The following NOX3 variants were observed in gnomAD, a reference collection of about 807,000 sequenced individuals.
NOX3 encodes NADPH oxidase catalytic subunit-like 3.
A neutral mutation model predicts 76.7 loss-of-function variants in NOX3; 74 were observed. That is an observed-to-expected ratio of 0.96 (90% confidence interval 0.80 to 1.17). The LOEUF (loss-of-function observed/expected upper bound fraction) is 1.17. NOX3 is among the 50% of genes most tolerant of loss of function. NOX3 has a pLI of 0.00. For synonymous variants in NOX3, 263 were observed against 261.1 expected (o/e 1.01, Z -0.07); for missense variants, 695 against 703.3 (o/e 0.99, Z 0.13).
chr6:155,432,470 C>T (rs1001595453), intron 7 of NOX3, among the ~76,000 whole-genome samples: 3 of 152,092 alleles, frequency 2.0e-5, no homozygotes, highest in Non-Finnish European at 2.9e-5. Flanking sequence ...CACCCCTCCC[C>T]GATTGACTCA....
At chr6:155,410,318 T>TGTGTGC (rs1268997763) in intron 11 of NOX3, among the ~76,000 whole-genome samples, 1 of 151,402 alleles carries the variant, frequency 6.6e-6, no homozygotes, top group African/African-American at 2.4e-5. Flanking sequence ...TGTGTGTGTG[T>TGTGTGC]GCGCACGCAT....
intron 5 of NOX3, among the ~76,000 whole-genome samples, chr6:155,442,076 A>G (rs1424085677): frequency 6.6e-6 from 1 of 152,170 alleles, no homozygotes; most frequent in African/African-American, 2.4e-5. Flanking sequence ...CATCCTGGCT[A>G]ACACAGTGAA....
chr6:155,448,839 C>T (rs73567363), intron 4 of NOX3, among the ~76,000 whole-genome samples: 4,798 of 152,142 alleles, frequency 0.032, 254 homozygotes, highest in African/African-American at 0.11. Context: ...GAGTTAGTCA[C>T]CTCCTAATTA....
chr6:155,422,555 A>G (rs1776703111), intron 10 of NOX3, 139 bp downstream of exon 10: 1 of 745,006 alleles, frequency 1.3e-6, no homozygotes, highest in African/African-American at 1.8e-5. Context: ...GAGATTTTTA[A>G]GAACATAAGT....
At chr6:155,452,687 A>G (rs1323953868) in intron 4 of NOX3, among the ~76,000 whole-genome samples, 1 of 151,766 alleles carries the variant, frequency 6.6e-6, no homozygotes, top group African/African-American at 2.4e-5. Flanking sequence ...AAAACATTTT[A>G]TAGTTAAATT....
chr6:155,410,722 C>A (rs1776532441), intron 11 of NOX3, among the ~76,000 whole-genome samples: 1 of 152,142 alleles, frequency 6.6e-6, no homozygotes, highest in Non-Finnish European at 1.5e-5. Flanking sequence ...CTTAAGAGAA[C>A]AAACTCTGGA....
chr6:155,436,794 G>A (rs1307854939), intron 6 of NOX3, among the ~76,000 whole-genome samples: 1 of 152,184 alleles, frequency 6.6e-6, no homozygotes, highest in Non-Finnish European at 1.5e-5. Context: ...TAAATTGAAA[G>A]TGTCTATATT....
chr6:155,426,852 G>C (rs994011817), intron 9 of NOX3, among the ~76,000 whole-genome samples: 1 of 152,148 alleles, frequency 6.6e-6, no homozygotes, highest in Admixed American at 6.5e-5. Context: ...GTTTGTGAAG[G>C]GGAAGGGTGG....
At chr6:155,416,189 G>T (rs1009310634) in intron 10 of NOX3, among the ~76,000 whole-genome samples, 20 of 152,214 alleles carry the variant, frequency 1.3e-4, no homozygotes, top group Admixed American at 1.2e-3. Flanking sequence ...CTGCTGGGCA[G>T]CACGCCTCTG....
intron 3 of NOX3, 77 bp from the exon 4 acceptor site, chr6:155,453,565 G>A: frequency 8.6e-7 from 1 of 1,167,484 alleles, no homozygotes; most frequent in Non-Finnish European, 1.3e-6. Context: ...AAGAGAGTAG[G>A]AATCAGGCTC....
chr6:155,437,968 A>G lies in NOX3; in HGVS notation c.669-1421T>C, dbSNP rs190054134. 4.8e-3 allele frequency among the ~76,000 whole-genome samples: 728 copies of G among 152,362 alleles called. 3 individuals carry two copies. Among genetic ancestry groups the G allele is most frequent in the Middle Eastern group, 0.01 (3 of 294 alleles). On this transcript the variant is annotated intron_variant, in intron 6 of 13. Transcript: ENST00000159060. The stretch of plus-strand genomic sequence containing the variant: ...CCCTTATCCTAAAATAAGCTTTTCA[A>G]CTAGGTTAAAATGACTAAAAATTTC...
At chr6:155,440,969 C>T (rs376967139) in intron 5 of NOX3, among the ~76,000 whole-genome samples, 23 of 152,270 alleles carry the variant, frequency 1.5e-4, no homozygotes, top group African/African-American at 4.8e-4. Flanking sequence ...ATTTCTTTCA[C>T]GCCATCTCCG....
intron 8 of NOX3, among the ~76,000 whole-genome samples, chr6:155,430,181 C>T (rs899119004): frequency 2.0e-5 from 3 of 152,132 alleles, no homozygotes; most frequent in Admixed American, 6.5e-5. Flanking sequence ...GTATTTGGCA[C>T]CTTTTCACTC....
chr6:155,398,888 G>A (rs574106633), intron 12 of NOX3, among the ~76,000 whole-genome samples: 2 of 152,196 alleles, frequency 1.3e-5, no homozygotes, highest in Admixed American at 6.5e-5. Flanking sequence ...AGGTCTGGCC[G>A]CTGGTCCTGT....
intron 4 of NOX3, among the ~76,000 whole-genome samples, chr6:155,448,770 G>C (rs374195562): frequency 6.6e-6 from 1 of 152,036 alleles, no homozygotes; most frequent in South Asian, 2.1e-4. Flanking sequence ...GGGAATCTTG[G>C]AAGTGTGGTC....
Position 155,440,157 on chromosome 6 carries a change from CAAA to C in NOX3, c.487-23_487-21del, listed in dbSNP as rs1039492786. On this transcript the variant is annotated intron_variant, in intron 5 of 13. Coordinates refer to ENST00000159060, the MANE Select transcript of NOX3 (RefSeq NM_015718.3). ...TGTGTTCTAAAAAAAACAACAACAA[CAAA>C]AAAAGAAACAAACAAAAAAAAACAC... 2.0e-6 allele frequency: 3 copies of C among 1,482,426 alleles called. No individual in the cohort carries two copies. The allele number at this position is 1,482,426 out of a possible 1,614,324, so 91.8% of individuals were successfully genotyped here.
Position 155,453,485 on chromosome 6 carries a change from A to T in NOX3, c.259T>A (p.Cys87Ser). The T allele has an allele frequency of 1.9e-6, 3 of 1,612,418 alleles. No individual in the cohort carries two copies. The highest frequency in any genetic ancestry group is 2.5e-6 in the Non-Finnish European group (3 of 1,178,464). The change falls in exon 4 of 14, where the codon TGC becomes AGC. Residue 87 changes from cysteine to serine, a missense_variant. Coordinates refer to ENST00000159060, the MANE Select transcript of NOX3 (RefSeq NM_015718.3). Reference protein sequence around the residue: ...ISFIRGTSICCRGPWRRQLDK... With the variant: ...ISFIRGTSICSRGPWRRQLDK... Reference sequence around the variant, plus strand: ...AATTGCCTCCTCCACGGTCCTCTGCAGCACTAGAGTAACAAAAAAATATGC... The same window carrying T: ...AATTGCCTCCTCCACGGTCCTCTGCTGCACTAGAGTAACAAAAAAATATGC...
Position 155,431,899 on chromosome 6 carries a change from G to A in NOX3, c.799-964C>T, listed in dbSNP as rs140277103. Among the ~76,000 whole-genome samples the A allele has an allele frequency of 2.7e-3, 415 of 152,234 alleles. 2 individuals carry two copies. The highest frequency in any genetic ancestry group is 9.4e-3 in the African/African-American group (389 of 41,552). On this transcript the variant is annotated intron_variant, in intron 7 of 13. Coordinates refer to ENST00000159060, the MANE Select transcript of NOX3 (RefSeq NM_015718.3). ...AGCCTGAGTTCTTACCAGGACCCCA[G>A]GCTACCTCCCATGTGCATTGCCATA... is the stretch of plus-strand genomic sequence containing the variant.
rs746320261 is a variant in NOX3 at position 155,453,539 on chromosome 6, C to A, written c.256-51G>T. 10 of 1,369,434 alleles carry A rather than the reference C, an allele frequency of 7.3e-6. No homozygotes were observed. In the African/African-American group the frequency reaches 1.1e-4, roughly 16 times the overall value. The allele number at this position is 1,369,434 out of a possible 1,614,324, so 84.8% of individuals were successfully genotyped here. On this transcript the variant is annotated intron_variant, in intron 3 of 13. Transcript: ENST00000159060. ...ATTTATGGAAAAATTGCAGTGAAAA[C>A]AATCTCATGAAAGTTAAGAGAGTAG...
Sources: gnomAD v4.1 joint callset for allele counts (sites outside exome capture counted in the v4.1 genomes callset) on GRCh38, gnomAD v4.1.1 for gene constraint, MANE v1.5 for transcripts, NCBI Gene and HGNC (gene_info 2026-07-23, HGNC 2026-07-21) for gene names.